SLC11A2: variants seen among roughly 807,000 people sequenced by gnomAD.
SLC11A2 encodes solute carrier family 11 member 2.
Under a neutral mutation model 68.0 loss-of-function variants are expected in SLC11A2, and 38 were observed. The observed-to-expected ratio is 0.56, with a 90% confidence interval of 0.43 to 0.73. The LOEUF is 0.73. SLC11A2 is among the 30% of genes least tolerant of loss of function. SLC11A2 has a pLI of 0.00. For synonymous variants in SLC11A2, 242 were observed against 250.6 expected (o/e 0.97, Z 0.32); for missense variants, 517 against 690.5 (o/e 0.75, Z 2.82).
At chr12:50,970,492 G>T in the SLC11A2 span, 13 of 1,532,238 alleles carry the variant, frequency 8.5e-6, no homozygotes. Flanking sequence ...ATTCTTCAGT[G>T]AGTCCAAAAA....
At chr12:51,021,983 T>C (rs1246089738) in intron 1 of SLC11A2, among the ~76,000 whole-genome samples, 1 of 152,144 alleles carries the variant, frequency 6.6e-6, no homozygotes, top group Non-Finnish European at 1.5e-5. Flanking sequence ...ACCCATTAAA[T>C]ACAACTCTTC....
chr12:50,967,821 A>G, the SLC11A2 span, among the ~76,000 whole-genome samples: 1 of 152,140 alleles, frequency 6.6e-6, no homozygotes, highest in African/African-American at 2.4e-5. Context: ...TGATATATAA[A>G]AAGTGATTTA....
the SLC11A2 span, among the ~76,000 whole-genome samples, chr12:50,955,944 A>AATAACC: frequency 2.0e-5 from 3 of 152,252 alleles, no homozygotes; most frequent in Non-Finnish European, 2.9e-5. Context: ...GTTTCCAGCT[A>AATAACC]AATTCAATTA....
the SLC11A2 span, among the ~76,000 whole-genome samples, chr12:50,959,308 G>A: frequency 2.5e-3 from 381 of 151,706 alleles, 2 homozygotes; most frequent in African/African-American, 8.0e-3. Flanking sequence ...TAGTAGAGAT[G>A]GGGGTTTCTC....
intron 6 of SLC11A2, among the ~76,000 whole-genome samples, chr12:50,999,989 C>T (rs748816009): frequency 2.3e-4 from 35 of 151,776 alleles, no homozygotes; most frequent in Non-Finnish European, 4.4e-4. Flanking sequence ...GCCTGGGTGA[C>T]GGAGAAAGAC....
At chr12:50,999,476 ACT>A in intron 6 of SLC11A2, 61 bp from the exon 7 acceptor site, 3 of 1,336,846 alleles carry the variant, frequency 2.2e-6, no homozygotes, top group Non-Finnish European at 3.2e-6. Flanking sequence ...ATTGAAAAAC[ACT>A]CTCTTCCCAA....
chr12:50,994,407 C>A, intron 11 of SLC11A2, 137 bp downstream of exon 11: 2 of 699,534 alleles, frequency 2.9e-6, no homozygotes, highest in Non-Finnish European at 5.3e-6. Flanking sequence ...AAATGCTTGT[C>A]TGGTGTCTGG....
chr12:51,025,997 G>A (rs553147935), intron 1 of SLC11A2: 3 of 1,017,604 alleles, frequency 2.9e-6, no homozygotes, highest in South Asian at 7.0e-5. Context: ...GGCCGGGCGC[G>A]CCATCCGGTG....
intron 1 of SLC11A2, among the ~76,000 whole-genome samples, chr12:51,020,580 G>A (rs1054836290): frequency 6.6e-6 from 1 of 152,120 alleles, no homozygotes; most frequent in Non-Finnish European, 1.5e-5. Flanking sequence ...TATACAATGC[G>A]CTTAACATGA....
chr12:50,957,066 C>T, the SLC11A2 span, among the ~76,000 whole-genome samples: 414 of 151,654 alleles, frequency 2.7e-3, 8 homozygotes, highest in East Asian at 0.034. Flanking sequence ...ATAAAATATA[C>T]ATGTAAATGT....
chr12:50,977,718 A>C (rs1217711639), downstream of SLC11A2, among the ~76,000 whole-genome samples: 1 of 152,218 alleles, frequency 6.6e-6, no homozygotes, highest in Non-Finnish European at 1.5e-5. Context: ...CAACCTACAG[A>C]ATGGGAGAAA....
chr12:50,962,612 G>A, the SLC11A2 span, among the ~76,000 whole-genome samples: 4 of 152,070 alleles, frequency 2.6e-5, no homozygotes, highest in Admixed American at 1.3e-4. Flanking sequence ...CAAGAGAATC[G>A]CTTGAACCTG....
intron 8 of SLC11A2, among the ~76,000 whole-genome samples, chr12:50,997,356 T>C (rs1261212071): frequency 2.0e-5 from 3 of 152,220 alleles, no homozygotes; most frequent in East Asian, 1.9e-4. Context: ...ATCCGGATAG[T>C]TTACAACACA....
chr12:51,005,225 G>A (rs1942617772), intron 4 of SLC11A2, 86 bp downstream of exon 4: 8 of 1,429,202 alleles, frequency 5.6e-6, no homozygotes, highest in Non-Finnish European at 7.9e-6. Context: ...TAGCCCCTGA[G>A]GCTACTATCC....
At chr12:50,995,972 A>T (rs1007063903) in intron 9 of SLC11A2, among the ~76,000 whole-genome samples, 185 bp from the exon 10 acceptor site, 5 of 152,160 alleles carry the variant, frequency 3.3e-5, no homozygotes, top group African/African-American at 7.2e-5. Context: ...TGGGGGGAGA[A>T]AAAAGAACTT....
At chr12:50,954,747 C>A in the SLC11A2 span, among the ~76,000 whole-genome samples, 1 of 151,842 alleles carries the variant, frequency 6.6e-6, no homozygotes, top group South Asian at 2.1e-4. Context: ...AACAAATAAA[C>A]AAAAAACCAA....
chr12:51,023,925 A>G (rs1223726249), intron 1 of SLC11A2, among the ~76,000 whole-genome samples: 2 of 148,784 alleles, frequency 1.3e-5, no homozygotes, highest in African/African-American at 5.0e-5. Flanking sequence ...TGGGAGGTCA[A>G]CCCTGCAGTG....
At chr12:50,994,713 C>T in intron 10 of SLC11A2, 83 bp from the exon 11 acceptor site, 1 of 815,674 alleles carries the variant, frequency 1.2e-6, no homozygotes, top group Non-Finnish European at 2.2e-6. Context: ...CATACACAAT[C>T]ATCTATAAGA....
chr12:50,998,700 G>A (rs1566002247), intron 8 of SLC11A2, among the ~76,000 whole-genome samples: 1 of 152,154 alleles, frequency 6.6e-6, no homozygotes, highest in Non-Finnish European at 1.5e-5. Flanking sequence ...TGACTCTAAG[G>A]AGTTTCTGGG....
Sources: allele counts gnomAD v4.1 joint callset (sites outside exome capture counted in the v4.1 genomes callset), GRCh38; gene constraint gnomAD v4.1.1; transcripts MANE v1.5; gene names NCBI Gene and HGNC (gene_info 2026-07-23, HGNC 2026-07-21).